Variants in ACBD6 observed in about 807,000 individuals in gnomAD.
The protein encoded by ACBD6 is acyl-CoA-binding domain-containing protein 6.
Under a neutral mutation model 37.2 loss-of-function variants are expected in ACBD6, and 28 were observed. That is an observed-to-expected ratio of 0.75 (90% CI 0.56 to 1.03). The LOEUF is 1.03. ACBD6 is among the 50% of genes least tolerant of loss of function. The pLI, the probability that ACBD6 is intolerant of heterozygous loss-of-function variation, is 0.00. For missense variants in ACBD6, 340 were observed against 337.4 expected (o/e 1.01, Z -0.06); for synonymous variants, 113 against 126.8 (o/e 0.89, Z 0.73).
At chr1:180,450,071 G>A (rs983807162) in intron 3 of ACBD6, among the ~76,000 whole-genome samples, 10 of 149,628 alleles carry the variant, frequency 6.7e-5, no homozygotes, top group African/African-American at 2.5e-4. Context: ...AATTTAATAC[G>A]GGTACACATA....
chr1:180,349,561 TTTC>T (rs1350503121), intron 6 of ACBD6, among the ~76,000 whole-genome samples: 1 of 132,990 alleles, frequency 7.5e-6, no homozygotes, highest in Admixed American at 8.2e-5. Context: ...AGCCTTTTAA[TTTC>T]TTTAGTATAA....
In ACBD6 at chr1:180,484,522, G is replaced by GA. The variant is rs553457915; in HGVS notation, c.384+7746dup. Among the ~76,000 whole-genome samples, 758 of 152,248 alleles carry GA rather than the reference G, an allele frequency of 5.0e-3. 6 individuals carry two copies. The highest frequency in any genetic ancestry group is 0.017 in the African/African-American group (704 of 41,536). Reference sequence around the variant, plus strand: ...TGTTGGAGAAAGGAGTTACAAATATGAAAGAGGGAAGGCTATCATGTACCC... The same window carrying GA: ...TGTTGGAGAAAGGAGTTACAAATATGAAAAGAGGGAAGGCTATCATGTACCC... On this transcript the variant is annotated intron_variant, in intron 3 of 7. Coordinates refer to ENST00000367595, the MANE Select transcript of ACBD6 (RefSeq NM_032360.4).
At chr1:180,349,098 T>C (rs2101890150) in intron 6 of ACBD6, among the ~76,000 whole-genome samples, 1 of 152,190 alleles carries the variant, frequency 6.6e-6, no homozygotes, top group Admixed American at 6.5e-5. Flanking sequence ...TTGTTTAATA[T>C]AACTTTGTAT....
intron 7 of ACBD6, among the ~76,000 whole-genome samples, chr1:180,296,506 T>A (rs1307977479): frequency 6.6e-6 from 1 of 152,166 alleles, no homozygotes; most frequent in African/African-American, 2.4e-5. Context: ...CTTGGCTCCC[T>A]GCAACCTTTG....
chr1:180,349,490 C>T lies in ACBD6; in HGVS notation c.664-34768G>A, dbSNP rs948734534. Among the ~76,000 whole-genome samples the T allele has an allele frequency of 4.3e-4, 66 of 151,812 alleles. 3 individuals carry two copies. The highest frequency in any genetic ancestry group is 7.4e-5 in the Non-Finnish European group (5 of 67,932). On this transcript the variant is annotated intron_variant, in intron 6 of 7. Transcript: ENST00000367595. ...CAGGATGGTCTCAATCTCCTGACCT[C>T]GTGATCCGCCTGCCTCGGCCTCCCA... is the stretch of plus-strand genomic sequence containing the variant.
intron 3 of ACBD6, among the ~76,000 whole-genome samples, chr1:180,479,600 T>C (rs1571563525): frequency 6.6e-6 from 1 of 152,106 alleles, no homozygotes; most frequent in East Asian, 1.9e-4. Context: ...GTAGAGGGAC[T>C]ACACTTGACA....
chr1:180,331,743 C>T (rs1327350027), intron 6 of ACBD6, among the ~76,000 whole-genome samples: 1 of 152,104 alleles, frequency 6.6e-6, no homozygotes, highest in Non-Finnish European at 1.5e-5. Context: ...TTTGCAATTC[C>T]ACTTCTGTAA....
chr1:180,421,323 A>G (rs1239762991), intron 4 of ACBD6, among the ~76,000 whole-genome samples: 4 of 152,156 alleles, frequency 2.6e-5, no homozygotes, highest in African/African-American at 9.7e-5. Context: ...AACTCCATCC[A>G]TGTCCCTGCA....
exon 14 of ACBD6, chr1:180,271,321 G>T: frequency 6.3e-7 from 1 of 1,591,596 alleles, no homozygotes; most frequent in East Asian, 2.2e-5. Context: ...GAGGGTGTGG[G>T]AGGAGGCGCA....
intron 6 of ACBD6, among the ~76,000 whole-genome samples, chr1:180,345,854 C>T (rs574003990): frequency 6.6e-6 from 1 of 152,078 alleles, no homozygotes; most frequent in Admixed American, 6.5e-5. Flanking sequence ...TTTAACTTTT[C>T]CGTATATTCT....
At chr1:180,289,347 T>C (rs1427364858) in intron 7 of ACBD6, among the ~76,000 whole-genome samples, 1 of 152,034 alleles carries the variant, frequency 6.6e-6, no homozygotes. Context: ...GCAATAAACA[T>C]ATAAAAAGAT....
intron 4 of ACBD6, among the ~76,000 whole-genome samples, chr1:180,422,331 G>C (rs1020571024): frequency 1.3e-5 from 2 of 151,528 alleles, no homozygotes; most frequent in South Asian, 2.1e-4. Flanking sequence ...TCTGACTTCT[G>C]AGCAGCTAGG....
chr1:180,274,218 A>G (rs2149268630), intron 10 of ACBD6: 5 of 1,614,206 alleles, frequency 3.1e-6, no homozygotes, highest in Admixed American at 1.7e-5. Context: ...GGCCACACCA[A>G]TAGGATTTAT....
chr1:180,411,337 A>G (rs1350229406), intron 5 of ACBD6, among the ~76,000 whole-genome samples: 2 of 152,240 alleles, frequency 1.3e-5, no homozygotes, highest in Non-Finnish European at 2.9e-5. Flanking sequence ...AAGAAGTTCC[A>G]CTGTGGGTAT....
chr1:180,446,959 T>G (rs1649499298), intron 3 of ACBD6, among the ~76,000 whole-genome samples: 1 of 152,116 alleles, frequency 6.6e-6, no homozygotes, highest in African/African-American at 2.4e-5. Context: ...GAGTATTGCT[T>G]GAACCCGGGA....
At chr1:180,466,082 C>T (rs1399365999) in intron 3 of ACBD6, among the ~76,000 whole-genome samples, 4 of 152,072 alleles carry the variant, frequency 2.6e-5, no homozygotes, top group Admixed American at 2.6e-4. Flanking sequence ...ATATGTACAA[C>T]AAATCCCTAT....
At chr1:180,397,344 T>C (rs1654295857) in intron 6 of ACBD6, among the ~76,000 whole-genome samples, 172 bp downstream of exon 6, 1 of 152,192 alleles carries the variant, frequency 6.6e-6, no homozygotes, top group Non-Finnish European at 1.5e-5. Context: ...GGGTTTTCTT[T>C]TGCGGTGACA....
At chr1:180,322,474 C>A (rs774009319) in intron 6 of ACBD6, among the ~76,000 whole-genome samples, 4 of 152,042 alleles carry the variant, frequency 2.6e-5, no homozygotes, top group Non-Finnish European at 4.4e-5. Context: ...AGCAGTGAAG[C>A]CACGAGGTCC....
chr1:180,346,487 T>A (rs1029420536), intron 6 of ACBD6, among the ~76,000 whole-genome samples: 1 of 151,980 alleles, frequency 6.6e-6, no homozygotes, highest in Non-Finnish European at 1.5e-5. Context: ...AGAGATGGAA[T>A]GGAGAGAGCT....
Sources: gnomAD v4.1 joint callset for allele counts (sites outside exome capture counted in the v4.1 genomes callset) on GRCh38, gnomAD v4.1.1 for gene constraint, MANE v1.5 for transcripts, NCBI Gene and HGNC (gene_info 2026-07-23, HGNC 2026-07-21) for gene names.